Variants in ASTN2 observed in about 807,000 individuals in gnomAD.
ASTN2 encodes the protein astrotactin-2.
ASTN2 carries 54 observed loss-of-function variants against 139.8 expected under a neutral mutation model. The ratio of observed to expected loss-of-function variants is 0.39; its 90% CI spans 0.31 to 0.48. The LOEUF (loss-of-function observed/expected upper bound fraction) is 0.48. ASTN2 is among the 20% of genes least tolerant of loss of function. ASTN2 has a pLI of 0.95. For synonymous variants in ASTN2, 756 were observed against 719.5 expected, an observed-to-expected ratio of 1.05 and a Z score of -0.81; for missense variants, 1,565 against 1,725.1, an observed-to-expected ratio of 0.91 and a Z score of 1.64.
At position 116,749,277 on chromosome 9, in the gene ASTN2, CTTG is replaced by C. The variant is rs1829335574; in HGVS notation, c.2397-15757_2397-15755del. The stretch of plus-strand genomic sequence containing the variant: ...ATTTTAATTTAACACACTCAAAAAG[CTTG>C]TTGTGATTAGGCATAAGAAGGATGC... On this transcript the variant is annotated intron_variant, in intron 13 of 22. Coordinates refer to ENST00000313400, the MANE Select transcript of ASTN2 (RefSeq NM_001365068.1). Among the ~76,000 whole-genome samples the C allele has an allele frequency of 2.0e-5, 3 of 152,278 alleles. No individual in the cohort carries two copies. In the South Asian group the frequency reaches 6.2e-4, roughly 32 times the overall value.
chr9:117,117,430 A>C (rs1046758596), intron 4 of ASTN2, among the ~76,000 whole-genome samples: 6 of 151,316 alleles, frequency 4.0e-5, no homozygotes, highest in Non-Finnish European at 8.8e-5. Context: ...ACTAATACCC[A>C]AAGTTGTGTC....
At chr9:116,684,652 G>A (rs975124469) in intron 16 of ASTN2, among the ~76,000 whole-genome samples, 4 of 152,156 alleles carry the variant, frequency 2.6e-5, no homozygotes, top group Admixed American at 2.0e-4. Flanking sequence ...GAGTCGCTCA[G>A]ACACTTGAAA....
At chr9:116,599,667 A>G (rs1160078956) in intron 19 of ASTN2, among the ~76,000 whole-genome samples, 1 of 152,186 alleles carries the variant, frequency 6.6e-6, no homozygotes, top group Admixed American at 6.5e-5. Context: ...CCTGGTGAGG[A>G]AGTCATAGTG....
intron 16 of ASTN2, among the ~76,000 whole-genome samples, chr9:116,725,164 T>A (rs957248734): frequency 3.3e-5 from 5 of 152,150 alleles, no homozygotes; most frequent in Non-Finnish European, 7.3e-5. Flanking sequence ...AGGAATAACC[T>A]TCACAAGGTG....
At chr9:116,546,432 A>G (rs1365777488) in intron 19 of ASTN2, 2 of 152,184 alleles carry the variant, frequency 1.3e-5, no homozygotes, top group Admixed American at 6.5e-5. Flanking sequence ...TGAACAACTG[A>G]TAAGTAGCAG....
intron 2 of ASTN2, among the ~76,000 whole-genome samples, chr9:117,268,013 AT>A (rs1211934795): frequency 6.6e-6 from 1 of 152,222 alleles, no homozygotes; most frequent in Non-Finnish European, 1.5e-5. Flanking sequence ...AATGTGTTTC[AT>A]TTGATAAATA....
chr9:116,595,891 T>C (rs146293890), intron 19 of ASTN2, among the ~76,000 whole-genome samples: 1 of 152,186 alleles, frequency 6.6e-6, no homozygotes, highest in Non-Finnish European at 1.5e-5. Context: ...AAATTAAAAA[T>C]AGAACTGCTA....
chr9:116,485,028 G>C (rs934227084), intron 20 of ASTN2, among the ~76,000 whole-genome samples: 1 of 152,178 alleles, frequency 6.6e-6, no homozygotes, highest in African/African-American at 2.4e-5. Context: ...GGAATCACCC[G>C]ACAGGATTCT....
intron 11 of ASTN2, among the ~76,000 whole-genome samples, chr9:116,846,776 A>T (rs190450940): frequency 6.6e-6 from 1 of 152,262 alleles, no homozygotes; most frequent in Admixed American, 6.5e-5. Context: ...GTTCTCTGCC[A>T]GTGGTCAATA....
In ASTN2 at chr9:116,975,364, C is replaced by T; in HGVS notation, c.1752-19G>A. 1 of 1,583,160 alleles carries T rather than the reference C, an allele frequency of 6.3e-7. No homozygotes were observed. The highest frequency in any genetic ancestry group is 8.6e-7 in the Non-Finnish European group (1 of 1,165,268). On this transcript the variant is annotated intron_variant, in intron 9 of 22. Coordinates refer to ENST00000313400, the MANE Select transcript of ASTN2 (RefSeq NM_001365068.1). ...AGTAGACCTGCAATGTAAGAGTTTC[C>T]ATTGGGGAACTCCCTGGGAAGCAGA...
At chr9:116,514,736 G>A (rs534279668) in intron 19 of ASTN2, among the ~76,000 whole-genome samples, 5 of 152,278 alleles carry the variant, frequency 3.3e-5, no homozygotes, top group Middle Eastern at 3.4e-3. Flanking sequence ...CTTGCAGTTC[G>A]ATCTCAGACT....
rs1564169414 is a variant in ASTN2 at position 116,632,260 on chromosome 9, A to AGAAAGAAG, written c.3073-11818_3073-11817insCTTCTTTC. On this transcript the variant is annotated intron_variant, in intron 17 of 22. Transcript: ENST00000313400. ...AAGAAAGAAAGAAAGAAGGAAAGAA[A>AGAAAGAAG]GAAAGAAAGAAAGAAAGAAAGAAAG... Among the ~76,000 whole-genome samples, 17 of 121,554 alleles carry AGAAAGAAG rather than the reference A, an allele frequency of 1.4e-4. No individual in the cohort carries two copies. In the East Asian group the frequency reaches 1.5e-3, roughly 11 times the overall value. 79.7% of individuals were successfully genotyped at this position (121,554 alleles called of 152,430 possible). A position where few individuals can be genotyped will look rare whatever the true frequency, so the allele number is the denominator to read the frequency against.
rs563462823 is a variant in ASTN2 at position 117,140,590 on chromosome 9, A to G, written c.1168+736T>C. ...AGAGAAGTAGGAGGAGATGAAGATGAAGGAGGAAGAGATGTAGAAGGAGAA... is the reference window on the plus strand; with the variant it reads ...AGAGAAGTAGGAGGAGATGAAGATGGAGGAGGAAGAGATGTAGAAGGAGAA... On this transcript the variant is annotated intron_variant, in intron 4 of 22. Coordinates refer to ENST00000313400, the MANE Select transcript of ASTN2 (RefSeq NM_001365068.1). Among the ~76,000 whole-genome samples, 10 of 151,226 alleles carry G rather than the reference A, an allele frequency of 6.6e-5. No individual in the cohort carries two copies. The East Asian group carries it at 2.0e-3, about 30-fold the overall frequency.
intron 13 of ASTN2, among the ~76,000 whole-genome samples, chr9:116,769,993 C>A (rs1006285262): frequency 6.6e-6 from 1 of 151,478 alleles, no homozygotes; most frequent in Non-Finnish European, 1.5e-5. Flanking sequence ...CCACTGCACT[C>A]CAACCTGGGA....
intron 20 of ASTN2, among the ~76,000 whole-genome samples, chr9:116,472,834 G>A (rs1416142811): frequency 2.0e-5 from 3 of 151,874 alleles, no homozygotes; most frequent in East Asian, 1.9e-4. Context: ...GGCTGAGGCA[G>A]GAGAATCGCT....
chr9:116,672,396 T>G (rs1859252116), intron 16 of ASTN2, among the ~76,000 whole-genome samples: 1 of 152,050 alleles, frequency 6.6e-6, no homozygotes, highest in African/African-American at 2.4e-5. Context: ...AATTATAAAC[T>G]TCTAGACTCA....
At chr9:117,143,898 TTTAA>T (rs902835243) in intron 3 of ASTN2, among the ~76,000 whole-genome samples, 9 of 152,178 alleles carry the variant, frequency 5.9e-5, no homozygotes, top group African/African-American at 2.2e-4. Flanking sequence ...CTCATTTAAC[TTTAA>T]TTACCTCCCA....
At chr9:116,809,776 T>A (rs1158005802) in intron 12 of ASTN2, among the ~76,000 whole-genome samples, 7 of 152,206 alleles carry the variant, frequency 4.6e-5, no homozygotes, top group African/African-American at 1.2e-4. Context: ...GACAAAGACA[T>A]CTTGCATTAA....
intron 19 of ASTN2, among the ~76,000 whole-genome samples, chr9:116,563,005 T>C (rs1852995677): frequency 6.6e-6 from 1 of 152,064 alleles, no homozygotes; most frequent in African/African-American, 2.4e-5. Flanking sequence ...GGAGAAGAGA[T>C]GTAAGTAGAC....
Sources: allele counts gnomAD v4.1 joint callset (sites outside exome capture counted in the v4.1 genomes callset), GRCh38; gene constraint gnomAD v4.1.1; transcripts MANE v1.5; gene names NCBI Gene and HGNC (gene_info 2026-07-23, HGNC 2026-07-21).